Variants in CFAP99 observed in about 807,000 individuals in gnomAD.
CFAP99 encodes the protein cilia and flagella associated protein 99, also known as cilia- and flagella-associated protein 99.
CFAP99 carries 84 observed loss-of-function variants against 82.7 expected under a neutral mutation model. The observed-to-expected ratio is 1.02, with a 90% CI of 0.85 to 1.22. The LOEUF (loss-of-function observed/expected upper bound fraction) is 1.22. CFAP99 is among the 50% of genes most tolerant of loss of function. The pLI is 0.00. For missense variants in CFAP99, 1,059 were observed against 983.5 expected (o/e 1.08, Z -1.03); for synonymous variants, 456 against 429.5 (o/e 1.06, Z -0.76).
chr4:2,458,744 C>A (rs774920415), exon 12 of CFAP99: 1 of 1,535,062 alleles, frequency 6.5e-7, no homozygotes, highest in Non-Finnish European at 8.7e-7. Context: ...GATGCTGCAG[C>A]GTGCAGAGAG....
chr4:2,432,593 G>T (rs973459008), intron 2 of CFAP99, among the ~76,000 whole-genome samples: 1 of 152,074 alleles, frequency 6.6e-6, no homozygotes, highest in Non-Finnish European at 1.5e-5. Flanking sequence ...GCCCCGGCCT[G>T]GACCTGGTCT....
rs772455805 is a variant in CFAP99 at position 2,462,611 on chromosome 4, T to G, written c.1830T>G (p.Ser610Arg). ...CCGCGCGCCCCAAGCCCCGGGTGAG[T>G]CCGGATTGGTGGGAGGAGCCCGGGC... is the stretch of plus-strand genomic sequence containing the variant. Residue 610 changes from serine (S) to arginine (R), a missense_variant, in exon 15 of 15, where the codon AGT becomes AGG. Coordinates refer to ENST00000635017, the Ensembl canonical transcript of CFAP99. The surrounding 1 kb of genome is among the most constrained non-coding windows in gnomAD (Gnocchi z 4.1). The G allele has an allele frequency of 5.1e-6, 7 of 1,385,202 alleles. No individual in the cohort carries two copies. In the South Asian group the frequency reaches 9.5e-5, roughly 19 times the overall value. 85.8% of individuals were successfully genotyped at this position (1,385,202 alleles called of 1,614,324 possible).
At chr4:2,455,451 T>C (rs1181967971) in intron 11 of CFAP99, among the ~76,000 whole-genome samples, 1 of 152,194 alleles carries the variant, frequency 6.6e-6, no homozygotes, top group Admixed American at 6.5e-5. Context: ...AGCAGGGCGA[T>C]CACCTGAGGT....
chr4:2,431,827 G>A (rs527716350), intron 2 of CFAP99, among the ~76,000 whole-genome samples: 14 of 151,640 alleles, frequency 9.2e-5, no homozygotes, highest in African/African-American at 1.5e-4. Flanking sequence ...AGCAATTCTC[G>A]TGCATGAGCC....
intron 2 of CFAP99, among the ~76,000 whole-genome samples, chr4:2,434,153 G>C (rs1019803144): frequency 3.9e-5 from 6 of 152,190 alleles, no homozygotes; most frequent in African/African-American, 1.2e-4. Flanking sequence ...CCAGGAGGCT[G>C]GTTTCAGATG....
In CFAP99 at chr4:2,430,303, T is replaced by C. The variant is rs376375913; in HGVS notation, c.111+3717T>C. 6.8e-4 allele frequency among the ~76,000 whole-genome samples: 28 copies of C among 41,148 alleles called. 1 individual carries two copies. The highest frequency in any genetic ancestry group is 1.4e-3 in the African/African-American group (11 of 7,950). 27.0% of individuals were successfully genotyped at this position (41,148 alleles called of 152,430 possible). ...CAGACTGCGGTGAAATGCCAGAAAA[T>C]TACGCAATACGTAAACCAAACGGCA... On this transcript the variant is annotated intron_variant, in intron 2 of 14. Transcript: ENST00000635017.
chr4:2,443,180 T>A, exon 5 of CFAP99: 1 of 1,535,784 alleles, frequency 6.5e-7, no homozygotes, highest in African/African-American at 1.4e-5. Context: ...GGATCAAGGA[T>A]GAGTGGAGCC....
intron 5 of CFAP99, 52 bp from the exon 6 acceptor site, chr4:2,445,079 T>C (rs964106316): frequency 2.5e-6 from 3 of 1,221,886 alleles, no homozygotes; most frequent in Non-Finnish European, 3.1e-6. Context: ...CATCGCCTTA[T>C]TGAACAGCTT....
chr4:2,424,461 G>C (rs59356182), intron 1 of CFAP99, among the ~76,000 whole-genome samples: 6,738 of 151,158 alleles, frequency 0.045, 521 homozygotes, highest in African/African-American at 0.15. Context: ...CTCAAAAAAA[G>C]AAAAAAAAAG....
chr4:2,445,357 G>C, intron 6 of CFAP99, 49 bp downstream of exon 6: 1 of 1,279,452 alleles, frequency 7.8e-7, no homozygotes, highest in Non-Finnish European at 9.9e-7. Flanking sequence ...CATCAGGGTA[G>C]CCAAGCTGGG....
Position 2,462,932 on chromosome 4 carries a change from G to A in CFAP99, c.*6G>A. ...GCCGCCTGGAGGCCGCCTGAGCCGGGCCGAGCGCGCCCCACCCGCTTGCGG... is the reference window on the plus strand; with the variant it reads ...GCCGCCTGGAGGCCGCCTGAGCCGGACCGAGCGCGCCCCACCCGCTTGCGG... On this transcript the variant is annotated 3_prime_UTR_variant, in exon 15 of 15. Transcript: ENST00000635017. The surrounding 1 kb of genome is among the most constrained non-coding windows in gnomAD (Gnocchi z 4.1). 1 of 1,280,702 alleles carries A rather than the reference G, an allele frequency of 7.8e-7. No homozygotes were observed. Among genetic ancestry groups the A allele is most frequent in the Non-Finnish European group, 9.8e-7 (1 of 1,018,006 alleles). 79.3% of individuals were successfully genotyped at this position (1,280,702 alleles called of 1,614,324 possible). A position where few individuals can be genotyped will look rare whatever the true frequency, so the allele number is the denominator to read the frequency against.
rs75966717 is a variant in CFAP99 at position 2,448,746 on chromosome 4, G to A, written c.643-924G>A. Among the ~76,000 whole-genome samples, 2,946 of 152,346 alleles carry A rather than the reference G, an allele frequency of 0.019. 110 individuals carry two copies. The highest frequency in any genetic ancestry group is 0.066 in the African/African-American group (2,756 of 41,572). On this transcript the variant is annotated intron_variant, in intron 6 of 14. Coordinates refer to ENST00000635017, the Ensembl canonical transcript of CFAP99. This position sits in a 1 kb window ranked among gnomAD's most constrained non-coding sequence, Gnocchi z 5.2. ...GGCTGGAGTGGAGTGAGGCAGGGAA[G>A]AGGGAAGGCGGGGTACCGGTCTGGT...
intron 2 of CFAP99, among the ~76,000 whole-genome samples, chr4:2,430,728 G>T (rs1176055143): frequency 6.6e-6 from 1 of 152,032 alleles, no homozygotes; most frequent in Non-Finnish European, 1.5e-5. Flanking sequence ...CTTGAACCTA[G>T]GAGTTCGTGT....
At chr4:2,454,595 T>TTTTTTTTTTTTTTTTTTTTTTTTTTG (rs1734384944) in intron 11 of CFAP99, among the ~76,000 whole-genome samples, 1 of 107,950 alleles carries the variant, frequency 9.3e-6, no homozygotes, top group African/African-American at 4.4e-5. Context: ...TTTTTTTTTG[T>TTTTTTTTTTTTTTTTTTTTTTTTTTG]TTTTTTTTTT....
intron 8 of CFAP99, 103 bp from the exon 9 acceptor site, chr4:2,450,844 C>A: frequency 1.1e-6 from 1 of 949,786 alleles, no homozygotes; most frequent in Non-Finnish European, 1.6e-6. Context: ...GAGGGGTGAG[C>A]CAGGCCTCCC....
rs377006971 is a variant in CFAP99 at position 2,431,237 on chromosome 4, C to T, written c.111+4651C>T. On this transcript the variant is annotated intron_variant, in intron 2 of 14. Transcript: ENST00000635017. ...CAAAAAAATTAGCCAGGCATGGTGG[C>T]GGGTGCCTGTGGTCCCAGCTACTCG... 4.9e-3 allele frequency among the ~76,000 whole-genome samples: 749 copies of T among 151,824 alleles called. 11 individuals carry two copies. Among genetic ancestry groups the T allele is most frequent in the Middle Eastern group, 6.8e-3 (2 of 294 alleles).
chr4:2,445,958 G>C (rs1168883516), intron 6 of CFAP99, among the ~76,000 whole-genome samples: 7 of 152,154 alleles, frequency 4.6e-5, no homozygotes, highest in Non-Finnish European at 1.5e-5. Context: ...TGCCTGCCTT[G>C]AATTGATCAC....
intron 7 of CFAP99, 91 bp from the exon 8 acceptor site, chr4:2,449,843 G>C (rs1240764307): frequency 3.5e-5 from 53 of 1,528,010 alleles, no homozygotes; most frequent in Non-Finnish European, 4.4e-5. Context: ...GGAGGCAAGA[G>C]GGGGAGGCTG....
At chr4:2,441,785 G>A (rs1351546328) in intron 4 of CFAP99, among the ~76,000 whole-genome samples, 1 of 152,180 alleles carries the variant, frequency 6.6e-6, no homozygotes, top group African/African-American at 2.4e-5. Flanking sequence ...GGGCCTTGAA[G>A]AAGGGGAGCA....
Sources: gnomAD v4.1 joint callset for allele counts (sites outside exome capture counted in the v4.1 genomes callset) on GRCh38, gnomAD v4.1.1 for gene constraint, Gnocchi (gnomAD v3.1) non-coding constraint, MANE v1.5 for transcripts, NCBI Gene and HGNC (gene_info 2026-07-23, HGNC 2026-07-21) for gene names.